Variants in SH2B1 observed in about 807,000 individuals in gnomAD.
SH2B1 encodes SH2B adapter protein 1.
SH2B1 carries 15 observed loss-of-function variants against 62.6 expected under a neutral mutation model. The ratio of observed to expected loss-of-function variants is 0.24; its 90% CI spans 0.16 to 0.37. SH2B1 has a LOEUF of 0.37. SH2B1 is among the 10% of genes least tolerant of loss of function. The pLI, the probability that SH2B1 is intolerant of heterozygous loss-of-function variation, is 1.00. For synonymous variants in SH2B1, 443 were observed against 438.0 expected, an observed-to-expected ratio of 1.01 and a Z score of -0.14; for missense variants, 925 against 1,015.6, an observed-to-expected ratio of 0.91 and a Z score of 1.21.
At chr16:28,860,283 G>C (rs1962415028), upstream of SH2B1, among the ~76,000 whole-genome samples, 4 of 133,058 alleles carry the variant, frequency 3.0e-5, no homozygotes, top group African/African-American at 1.2e-4. Context: ...ATGGAGTCTT[G>C]CTCTGTCACC....
At chr16:28,870,642 TTTTG>T (rs896592900) in intron 4 of SH2B1, among the ~76,000 whole-genome samples, 3 of 151,928 alleles carry the variant, frequency 2.0e-5, no homozygotes, top group African/African-American at 7.3e-5. Flanking sequence ...ACCTTTTTTT[TTTTG>T]TTTGTGTGTT....
Position 28,866,697 on chromosome 16 carries a change from C to T in SH2B1, c.603C>T (p.Asn201=), listed in dbSNP as rs1182156837. Reference sequence around the variant, plus strand: ...TCTTAGGTGGAAACAGCAACTCCAACTCCTCTGGCGGGGCTGGGACCGTTG... The same window carrying T: ...TCTTAGGTGGAAACAGCAACTCCAATTCCTCTGGCGGGGCTGGGACCGTTG... ...PPVLGGNSNS[N]SSGGAGTVGR... The change falls in exon 1 of 8, where the codon AAC becomes AAT. Residue 201 remains asparagine, a synonymous_variant. Transcript: ENST00000684370. The surrounding 1 kb of genome is among the most constrained non-coding windows in gnomAD (Gnocchi z 6.3). 1 of 1,598,286 alleles carries T rather than the reference C, an allele frequency of 6.3e-7. No individual in the cohort carries two copies. The highest frequency in any genetic ancestry group is 1.7e-5 in the Admixed American group (1 of 58,712).
At position 28,846,832 on chromosome 16, in the gene SH2B1, G is replaced by T. The variant is rs575907666; in HGVS notation, c.-301+5G>T. On this transcript the variant is annotated splice_donor_5th_base_variant and intron_variant, in intron 1 of 10. Coordinates refer to the SH2B1 transcript ENST00000322610. ...CCGCCTCTGCCGCAGCTGGAGGTAG[G>T]GGACCAGGTCCTGGACGCCTTTCGG... 6.8e-4 allele frequency: 107 copies of T among 157,352 alleles called. 1 individual carries two copies. Among genetic ancestry groups the T allele is most frequent in the Non-Finnish European group, 1.1e-3 (78 of 70,990 alleles). The allele number at this position is 157,352 out of a possible 1,614,324, so 9.7% of individuals were successfully genotyped here.
chr16:28,873,318 A>G lies in SH2B1; in HGVS notation c.1898-129A>G, dbSNP rs758742384. The G allele has an allele frequency of 2.5e-6, 4 of 1,595,344 alleles. No individual in the cohort carries two copies. Among genetic ancestry groups the G allele is most frequent in the South Asian group, 2.2e-5 (2 of 90,066 alleles). ...ACCGCCCATGATCCATCTTCCATGG[A>G]TGGGGGGTTGCTCAGGAGATGGGAT... On this transcript the variant is annotated intron_variant, in intron 7 of 7. Transcript: ENST00000684370. This position sits in a 1 kb window ranked among gnomAD's most constrained non-coding sequence, Gnocchi z 4.2.
At chr16:28,862,276 T>G (rs909522609), upstream of SH2B1, 5 of 152,184 alleles carry the variant, frequency 3.3e-5, no homozygotes, top group African/African-American at 1.2e-4. Context: ...AAAGCACGTC[T>G]GGAATTGACC....
chr16:28,863,902 C>T lies in SH2B1; in HGVS notation c.-2193C>T. 3 of 601,052 alleles carry T rather than the reference C, an allele frequency of 5.0e-6. No individual in the cohort carries two copies. The highest frequency in any genetic ancestry group is 7.3e-6 in the Non-Finnish European group (3 of 412,902). 37.2% of individuals were successfully genotyped at this position (601,052 alleles called of 1,614,324 possible). A position where few individuals can be genotyped will look rare whatever the true frequency, so the allele number is the denominator to read the frequency against. ...GGGCGCAGGGAGCGGGAGCCGCCGC[C>T]GCCGCCGCCGCCGCCGGAGCTAACC... On this transcript the variant is annotated 5_prime_UTR_variant, in exon 1 of 8. Coordinates refer to ENST00000684370, the MANE Select transcript of SH2B1 (RefSeq NM_001387430.1).
rs1291713823 is a variant in SH2B1 at position 28,864,247 on chromosome 16, A to G, written c.-1848A>G. ...CACCTCCCGCCCTTCGGGAAATATC[A>G]GAACTGAGCCAGGAGGCAGGTGCAC... On this transcript the variant is annotated 5_prime_UTR_variant, in exon 1 of 8. Coordinates refer to ENST00000684370, the MANE Select transcript of SH2B1 (RefSeq NM_001387430.1). 3.9e-6 allele frequency: 4 copies of G among 1,013,410 alleles called. No homozygotes were observed. Among genetic ancestry groups the G allele is most frequent in the African/African-American group, 1.7e-5 (1 of 57,522 alleles). 62.8% of individuals were successfully genotyped at this position (1,013,410 alleles called of 1,614,324 possible). A position where few individuals can be genotyped will look rare whatever the true frequency, so the allele number is the denominator to read the frequency against.
Position 28,869,399 on chromosome 16 carries a change from T to C in SH2B1, c.1309+16T>C. 6.2e-7 allele frequency: 1 copy of C among 1,603,290 alleles called. No individual in the cohort carries two copies. Among genetic ancestry groups the C allele is most frequent in the South Asian group, 1.1e-5 (1 of 90,866 alleles). On this transcript the variant is annotated intron_variant, in intron 4 of 7. Coordinates refer to ENST00000684370, the MANE Select transcript of SH2B1 (RefSeq NM_001387430.1). ...CTGTCGCAGGGTAAGGGTGGAGCCTTAGAGAGCTCGGAGCCTCGGAACCTG... is the reference window on the plus strand; with the variant it reads ...CTGTCGCAGGGTAAGGGTGGAGCCTCAGAGAGCTCGGAGCCTCGGAACCTG...
At chr16:28,852,395 C>CATATATTTATATATATACATATATATTT (rs1555509843) in intron 1 of SH2B1, among the ~76,000 whole-genome samples, 1 of 16,158 alleles carries the variant, frequency 6.2e-5, no homozygotes, top group African/African-American at 3.9e-4. Flanking sequence ...TATATATATA[C>CATATATTTATATATATACATATATATTT]ATATATATTT....
chr16:28,861,127 A>G (rs967104547), upstream of SH2B1, among the ~76,000 whole-genome samples: 6 of 150,732 alleles, frequency 4.0e-5, no homozygotes, highest in Non-Finnish European at 7.4e-5. Flanking sequence ...CTGAGCCACC[A>G]TGCCCAGCAC....
At chr16:28,863,791 C>G (rs750936170), upstream of SH2B1, 7 of 1,535,446 alleles carry the variant, frequency 4.6e-6, no homozygotes, top group Non-Finnish European at 6.1e-6. Flanking sequence ...CGCCGCTGTT[C>G]TCTATGGTCT....
At chr16:28,853,208 TA>T (rs1962246240) in intron 1 of SH2B1, among the ~76,000 whole-genome samples, 1 of 129,742 alleles carries the variant, frequency 7.7e-6, no homozygotes, top group Admixed American at 9.1e-5. Context: ...CTCATATATA[TA>T]TATAAAAATG....
rs561641138 is a variant in SH2B1 at position 28,853,681 on chromosome 16, G to A, written c.-301+6854G>A. On this transcript the variant is annotated intron_variant, in intron 1 of 10. Coordinates refer to the SH2B1 transcript ENST00000322610. Reference sequence around the variant, plus strand: ...CCAATACCTTTCACATCCATTCTCCGTGCAGCAGCCAGATCAGTCTTTAAA... The same window carrying A: ...CCAATACCTTTCACATCCATTCTCCATGCAGCAGCCAGATCAGTCTTTAAA... Among the ~76,000 whole-genome samples, 14 of 151,564 alleles carry A rather than the reference G, an allele frequency of 9.2e-5. No homozygotes were observed. In the East Asian group the frequency reaches 2.5e-3, roughly 27 times the overall value.
intron 1 of SH2B1, among the ~76,000 whole-genome samples, chr16:28,850,634 C>T (rs1164883238): frequency 4.0e-5 from 6 of 151,302 alleles, no homozygotes; most frequent in Non-Finnish European, 5.9e-5. Context: ...CTAAGGTGGG[C>T]GGATCATGAG....
chr16:28,858,296 T>C (rs1962366830), intron 1 of SH2B1, among the ~76,000 whole-genome samples: 1 of 151,960 alleles, frequency 6.6e-6, no homozygotes, highest in South Asian at 2.1e-4. Context: ...GTGGCTCACC[T>C]GAGGTCAGGA....
chr16:28,852,692 T>TTATA lies in SH2B1; in HGVS notation c.-301+5872_-301+5875dup, dbSNP rs1196188850. Among the ~76,000 whole-genome samples the TTATA allele has an allele frequency of 8.6e-4, 65 of 75,820 alleles. 12 individuals are homozygous for TTATA. Among genetic ancestry groups the TTATA allele is most frequent in the African/African-American group, 3.2e-3 (61 of 18,926 alleles). The allele number at this position is 75,820 out of a possible 152,430, so 49.7% of individuals were successfully genotyped here. A position where few individuals can be genotyped will look rare whatever the true frequency, so the allele number is the denominator to read the frequency against. ...TTTATATATATATTTACATATATATTTATATATATACATATATATTTACAT... is the reference window on the plus strand; with the variant it reads ...TTTATATATATATTTACATATATATTTATATATATATATACATATATATTTACAT... On this transcript the variant is annotated intron_variant, in intron 1 of 10. Coordinates refer to the SH2B1 transcript ENST00000322610.
rs114749280 is a variant in SH2B1, at chr16:28,847,785, C to A, written c.-301+958C>A. ...GGTGAGGTATGATCATGACACTGCACCCCACCGTGAGTGACAGAGAAAGAC... is the reference window on the plus strand; with the variant it reads ...GGTGAGGTATGATCATGACACTGCAACCCACCGTGAGTGACAGAGAAAGAC... On this transcript the variant is annotated intron_variant, in intron 1 of 10. Transcript: ENST00000322610. Among the ~76,000 whole-genome samples, 855 of 151,340 alleles carry A rather than the reference C, an allele frequency of 5.6e-3. 9 individuals carry two copies. The highest frequency in any genetic ancestry group is 0.02 in the African/African-American group (812 of 41,186).
At position 28,871,945 on chromosome 16, in the gene SH2B1, C is replaced by T; in HGVS notation, c.1475C>T (p.Ala492Val). 7 of 1,608,096 alleles carry T rather than the reference C, an allele frequency of 4.4e-6. No homozygotes were observed. Among genetic ancestry groups the T allele is most frequent in the Non-Finnish European group, 6.0e-6 (7 of 1,175,014 alleles). ...PPTGTVHPLS[A>V]PYPPLDTPET... ...ACAGGGACAGTTCATCCCCTCTCAG[C>T]CCCCTACCCTCCCTTGGACACTCCG... The change falls in exon 5 of 8, where the codon GCC (alanine) becomes GTC (valine). Residue 492 changes from alanine to valine, a missense_variant. By Grantham distance (64) the Ala-to-Val change is moderately conservative. Around this residue, in one of 3 missense-constraint regions of SH2B1, gnomAD observed 683 missense variants for 704.0 expected, o/e 0.97. Transcript: ENST00000684370.
chr16:28,857,417 G>A (rs139878057), intron 1 of SH2B1, among the ~76,000 whole-genome samples: 1 of 151,772 alleles, frequency 6.6e-6, no homozygotes, highest in African/African-American at 2.4e-5. Flanking sequence ...GGGGCGGGGG[G>A]GTGAAAGGGC....
Sources: gnomAD v4.1 joint callset for allele counts (sites outside exome capture counted in the v4.1 genomes callset) on GRCh38, gnomAD v4.1.1 for gene constraint, gnomAD v4.1.1 regional missense constraint, Gnocchi (gnomAD v3.1) non-coding constraint, MANE v1.5 for transcripts, NCBI Gene and HGNC (gene_info 2026-07-23, HGNC 2026-07-21) for gene names.